Variants in NRXN1 observed in about 807,000 individuals in gnomAD.
NRXN1 encodes the protein neurexin 1.
In NRXN1, 39 loss-of-function variants were observed where a neutral mutation model predicts 150.9. That is an observed-to-expected ratio of 0.26 (90% CI 0.20 to 0.34). The LOEUF (loss-of-function observed/expected upper bound fraction) is 0.34. Ranked by LOEUF, NRXN1 falls within the 10% of genes least tolerant of loss-of-function variation. The probability of loss-of-function intolerance (pLI) is 1.00; values close to 1 mark genes in which losing one functional copy is unlikely to be tolerated. For synonymous variants in NRXN1, 924 were observed against 757.0 expected (o/e 1.22, Z -3.62); for missense variants, 1,815 against 1,949.9 (o/e 0.93, Z 1.30).
intron 17 of NRXN1, among the ~76,000 whole-genome samples, chr2:50,246,343 A>C (rs1173717825): frequency 6.6e-6 from 1 of 151,972 alleles, no homozygotes; most frequent in Non-Finnish European, 1.5e-5. Context: ...TTAGCAATGG[A>C]ATTAAATCCT....
intron 5 of NRXN1, among the ~76,000 whole-genome samples, chr2:50,915,737 C>T (rs1574919844): frequency 6.6e-6 from 1 of 151,068 alleles, no homozygotes. Context: ...ACAGATCAAT[C>T]GTTTTAAAAT....
intron 5 of NRXN1, among the ~76,000 whole-genome samples, chr2:50,654,283 G>C (rs892873025): frequency 3.6e-5 from 5 of 140,028 alleles, no homozygotes; most frequent in African/African-American, 1.3e-4. Context: ...GTGGTGTTTG[G>C]TTTTTTTGTC....
At chr2:49,923,097 T>C (rs1262849599) in intron 22 of NRXN1, among the ~76,000 whole-genome samples, 1 of 152,176 alleles carries the variant, frequency 6.6e-6, no homozygotes, top group African/African-American at 2.4e-5. Flanking sequence ...CTTTCTTGGA[T>C]GAGACCAATG....
At chr2:50,949,387 A>C (rs919367754) in intron 2 of NRXN1, among the ~76,000 whole-genome samples, 2 of 152,030 alleles carry the variant, frequency 1.3e-5, no homozygotes, top group East Asian at 3.9e-4. Context: ...TAATGGCATC[A>C]AGAAATAGAC....
At chr2:50,802,399 G>A (rs1291130478) in intron 5 of NRXN1, among the ~76,000 whole-genome samples, 1 of 152,012 alleles carries the variant, frequency 6.6e-6, no homozygotes, top group Non-Finnish European at 1.5e-5. Context: ...GGCTGAGGCA[G>A]GAGAATCACT....
chr2:50,589,869 G>A (rs1673833990), intron 8 of NRXN1, among the ~76,000 whole-genome samples: 1 of 152,138 alleles, frequency 6.6e-6, no homozygotes, highest in Admixed American at 6.5e-5. Flanking sequence ...ACTATTGTCT[G>A]TTTCCTAGGC....
chr2:49,923,635 C>T lies in NRXN1; in HGVS notation c.4217-1384G>A, dbSNP rs558610723. ...TTTCTGCAAAAGTTCTTGTTAATTA[C>T]TGGGAATCATTTTACCAAACATATG... On this transcript the variant is annotated intron_variant, in intron 22 of 22. Coordinates refer to ENST00000401669, the MANE Select transcript of NRXN1 (RefSeq NM_001330078.2). Among the ~76,000 whole-genome samples the T allele has an allele frequency of 1.2e-4, 19 of 152,204 alleles. No individual in the cohort carries two copies. The South Asian group carries it at 3.9e-3, about 32-fold the overall frequency.
intron 15 of NRXN1, among the ~76,000 whole-genome samples, chr2:50,479,887 C>T (rs184237772): frequency 6.7e-6 from 1 of 149,610 alleles, no homozygotes; most frequent in Non-Finnish European, 1.5e-5. Flanking sequence ...AATTCTCCTG[C>T]CTCAGCCTCC....
chr2:50,170,746 C>T (rs879936058), intron 18 of NRXN1, among the ~76,000 whole-genome samples: 19 of 148,846 alleles, frequency 1.3e-4, no homozygotes, highest in Non-Finnish European at 2.4e-4. Context: ...TTGAGTCTCT[C>T]TCTGTCTGTC....
Position 50,447,740 on chromosome 2 carries a change from TATATATATATATATA to T in NRXN1, c.3364+17687_3364+17701del, listed in dbSNP as rs1558748272. 4.1e-3 allele frequency among the ~76,000 whole-genome samples: 329 copies of T among 81,116 alleles called. 42 individuals are homozygous for T. The highest frequency in any genetic ancestry group is 0.016 in the African/African-American group (278 of 16,908). The allele number at this position is 81,116 out of a possible 152,430, so 53.2% of individuals were successfully genotyped here. A position where few individuals can be genotyped will look rare whatever the true frequency, so the allele number is the denominator to read the frequency against. ...TCACATAGTAAGCAGGGGAACGTTA[TATATATATATATATA>T]TATATATATATATATATATATATAC... is the stretch of plus-strand genomic sequence containing the variant. On this transcript the variant is annotated intron_variant, in intron 17 of 22. Transcript: ENST00000401669.
chr2:50,481,483 TC>T (rs1368868592), intron 15 of NRXN1, among the ~76,000 whole-genome samples: 2 of 152,228 alleles, frequency 1.3e-5, no homozygotes, highest in African/African-American at 2.4e-5. Flanking sequence ...TCAAATTTTA[TC>T]AAAATGTTTT....
chr2:50,985,756 T>A (rs935125914), intron 2 of NRXN1, among the ~76,000 whole-genome samples: 1 of 151,226 alleles, frequency 6.6e-6, no homozygotes, highest in African/African-American at 2.4e-5. Flanking sequence ...TTCAAAGGCA[T>A]GAAGGAAAAG....
intron 18 of NRXN1, among the ~76,000 whole-genome samples, chr2:50,119,656 GC>G: frequency 6.6e-6 from 1 of 151,886 alleles, no homozygotes; most frequent in East Asian, 1.9e-4. Context: ...TGTAATCCTA[GC>G]TTAAGAGATT....
At chr2:50,339,480 C>T (rs1362550083) in intron 17 of NRXN1, among the ~76,000 whole-genome samples, 5 of 152,146 alleles carry the variant, frequency 3.3e-5, no homozygotes. Flanking sequence ...TACATAACCA[C>T]ATACCTTGAA....
intron 5 of NRXN1, among the ~76,000 whole-genome samples, chr2:50,681,064 T>G (rs1421344873): frequency 6.6e-6 from 1 of 152,224 alleles, no homozygotes; most frequent in Non-Finnish European, 1.5e-5. Context: ...AGGAACTTAT[T>G]CATCTACCAA....
At chr2:50,219,987 ATATATAATATATATTATAT>A (rs2063747346) in intron 18 of NRXN1, among the ~76,000 whole-genome samples, 1 of 67,176 alleles carries the variant, frequency 1.5e-5, no homozygotes, top group Admixed American at 1.9e-4. Context: ...TATATATATT[ATATATAATATATATTATAT>A]AATATATTAT....
At chr2:50,492,472 G>T (rs977974103) in intron 15 of NRXN1, among the ~76,000 whole-genome samples, 1 of 152,142 alleles carries the variant, frequency 6.6e-6, no homozygotes, top group African/African-American at 2.4e-5. Context: ...AGTTTTCAAA[G>T]TTCTACACTA....
intron 18 of NRXN1, among the ~76,000 whole-genome samples, chr2:50,119,102 T>G (rs1461333708): frequency 6.6e-6 from 1 of 152,164 alleles, no homozygotes; most frequent in Non-Finnish European, 1.5e-5. Context: ...TGATCCAAGT[T>G]AAAATCTCTC....
At chr2:50,889,583 A>AG (rs1213109096) in intron 5 of NRXN1, among the ~76,000 whole-genome samples, 2 of 151,778 alleles carry the variant, frequency 1.3e-5, no homozygotes, top group Admixed American at 1.3e-4. Flanking sequence ...CATTATTTTC[A>AG]GAAAAAACAT....
Sources: gnomAD v4.1 joint callset for allele counts (sites outside exome capture counted in the v4.1 genomes callset) on GRCh38, gnomAD v4.1.1 for gene constraint, MANE v1.5 for transcripts, NCBI Gene and HGNC (gene_info 2026-07-23, HGNC 2026-07-21) for gene names.